KRT85: variants seen among roughly 807,000 people sequenced by gnomAD.
KRT85 encodes keratin, type II cuticular Hb5.
A neutral mutation model predicts 53.7 loss-of-function variants in KRT85; 39 were observed. The ratio of observed to expected loss-of-function variants is 0.73; its 90% CI spans 0.56 to 0.95. The LOEUF (loss-of-function observed/expected upper bound fraction) is 0.95, where lower values mean the gene tolerates loss of function less well. Among genes scored for constraint, KRT85 ranks in the 40% least tolerant of loss-of-function variants. KRT85 has a pLI of 0.00. For missense variants in KRT85, 668 were observed against 686.0 expected, an observed-to-expected ratio of 0.97 and a Z score of 0.29; for synonymous variants, 291 against 277.5, an observed-to-expected ratio of 1.05 and a Z score of -0.48.
chr12:52,360,664 G>A lies in KRT85; in HGVS notation c.*189C>T, dbSNP rs1939175185. 1.6e-6 allele frequency: 1 copy of A among 641,400 alleles called. No individual in the cohort carries two copies. Among genetic ancestry groups the A allele is most frequent in the Non-Finnish European group, 2.7e-6 (1 of 364,084 alleles). 39.7% of individuals were successfully genotyped at this position (641,400 alleles called of 1,614,324 possible). ...AAAACAGCTGCCAGGAGGACAACTA[G>A]GATGCATCTCCCTAGCATGAAAAGG... is the stretch of plus-strand genomic sequence containing the variant. On this transcript the variant is annotated 3_prime_UTR_variant, in exon 9 of 9. Coordinates refer to ENST00000257901, the MANE Select transcript of KRT85 (RefSeq NM_002283.4).
chr12:52,362,804 G>C (rs752367778), intron 6 of KRT85, 50 bp downstream of exon 6: 1 of 1,614,012 alleles, frequency 6.2e-7, no homozygotes, highest in South Asian at 1.1e-5. Flanking sequence ...ATTAGGGCCA[G>C]GTGCTGCAGC....
intron 8 of KRT85, 150 bp from the exon 9 acceptor site, chr12:52,361,196 CT>C: frequency 1.2e-6 from 1 of 821,248 alleles, no homozygotes; most frequent in South Asian, 1.5e-5. Flanking sequence ...CACAGCCCAT[CT>C]AGGGAACTGG....
At chr12:52,365,271 C>A (rs1340812491) in intron 1 of KRT85, 101 bp from the exon 2 acceptor site, 3 of 1,283,794 alleles carry the variant, frequency 2.3e-6, no homozygotes, top group Non-Finnish European at 3.3e-6. Flanking sequence ...ATGGGCTGAG[C>A]CATAAAGCTG....
chr12:52,360,866 A>T lies in KRT85; in HGVS notation c.1511T>A (p.Val504Asp). Residue 504 changes from valine (V) to aspartate (D), a missense_variant, in exon 9 of 9, where the codon GTC becomes GAC. This residue lies in a region of KRT85 where 488 missense variants were observed against 498.1 expected (regional missense o/e 0.98). Transcript: ENST00000257901. ...TCCATGACTCTACTAGGCAAAGCGG[A>T]CCGACCGGCTACTCCCGCAGCTGAA... ...SSFSCGSSRS[V>D]RFA 1 of 1,612,252 alleles carries T rather than the reference A, an allele frequency of 6.2e-7. No individual in the cohort carries two copies. Among genetic ancestry groups the T allele is most frequent in the Non-Finnish European group, 8.5e-7 (1 of 1,180,018 alleles).
Position 52,367,410 on chromosome 12 carries a change from T to C in KRT85, c.-5A>G, listed in dbSNP as rs747382781. 6.2e-7 allele frequency: 1 copy of C among 1,613,944 alleles called. No individual in the cohort carries two copies. The highest frequency in any genetic ancestry group is 1.1e-5 in the South Asian group (1 of 91,062). On this transcript the variant is annotated 5_prime_UTR_variant, in exon 1 of 9. Coordinates refer to ENST00000257901, the MANE Select transcript of KRT85 (RefSeq NM_002283.4). ...CCTGTAGGAGCGGCACGACATCGTG[T>C]GAGGCTGAGCAGAGTCTGAGAGGCA...
Position 52,364,469 on chromosome 12 carries a change from C to T in KRT85, c.630-103G>A, listed in dbSNP as rs781268779. 26 of 1,600,174 alleles carry T rather than the reference C, an allele frequency of 1.6e-5. No homozygotes were observed. In the Admixed American group the frequency reaches 4.5e-4, roughly 28 times the overall value. Reference sequence around the variant, plus strand: ...CGGGGATTGAAAAGGGATTAATCCCCTCCAGATGTTGTCTTGGCCCCTCCA... The same window carrying T: ...CGGGGATTGAAAAGGGATTAATCCCTTCCAGATGTTGTCTTGGCCCCTCCA... On this transcript the variant is annotated intron_variant, in intron 2 of 8. Coordinates refer to ENST00000257901, the MANE Select transcript of KRT85 (RefSeq NM_002283.4).
Position 52,360,457 on chromosome 12 carries a change from C to T in KRT85, c.*396G>A, listed in dbSNP as rs975785036. Reference sequence around the variant, plus strand: ...GGGGAGGGACTTTCTCCCTGATTCTCGGGTTGTGGGTGGCCTGGCTGGATG... The same window carrying T: ...GGGGAGGGACTTTCTCCCTGATTCTTGGGTTGTGGGTGGCCTGGCTGGATG... On this transcript the variant is annotated 3_prime_UTR_variant, in exon 9 of 9. Coordinates refer to ENST00000257901, the MANE Select transcript of KRT85 (RefSeq NM_002283.4). 4 of 256,492 alleles carry T rather than the reference C, an allele frequency of 1.6e-5. No homozygotes were observed. The highest frequency in any genetic ancestry group is 1.5e-4 in the Admixed American group (3 of 19,690). The allele number at this position is 256,492 out of a possible 1,614,324, so 15.9% of individuals were successfully genotyped here.
intron 4 of KRT85, 78 bp from the exon 5 acceptor site, chr12:52,363,488 A>C: frequency 6.6e-7 from 1 of 1,512,460 alleles, no homozygotes; most frequent in Non-Finnish European, 9.2e-7. Flanking sequence ...GACAATGTCC[A>C]CTTCCCAGAC....
intron 8 of KRT85, 78 bp downstream of exon 8, chr12:52,361,389 T>G: frequency 7.5e-7 from 1 of 1,329,132 alleles, no homozygotes; most frequent in South Asian, 1.2e-5. Flanking sequence ...CACTCGAGGC[T>G]CCATGGGTTA....
chr12:52,363,258 C>T lies in KRT85; in HGVS notation c.939G>A (p.Trp313Ter). 6.2e-7 allele frequency: 1 copy of T among 1,614,204 alleles called. No individual in the cohort carries two copies. The highest frequency in any genetic ancestry group is 8.5e-7 in the Non-Finnish European group (1 of 1,180,028). The change falls in exon 5 of 9, where the codon TGG (tryptophan) becomes TGA (stop). Residue 313 changes from tryptophan to a stop codon, truncating the protein, a stop_gained. Coordinates refer to ENST00000257901, the MANE Select transcript of KRT85 (RefSeq NM_002283.4). LOFTEE classifies it high-confidence loss of function. ...ASRSRAEAES[W>*]YRSKCEEMKA... Reference sequence around the variant, plus strand: ...CTGTGCCACTCACCTTGCTACGGTACCAGGACTCAGCCTCGGCCCGGCTGC... The same window carrying T: ...CTGTGCCACTCACCTTGCTACGGTATCAGGACTCAGCCTCGGCCCGGCTGC...
At position 52,362,858 on chromosome 12, in the gene KRT85, C is replaced by T. The variant is rs1206757106; in HGVS notation, c.1073G>A (p.Cys358Tyr). Residue 358 changes from cysteine to tyrosine, a missense_variant, in exon 6 of 9, where the codon TGC becomes TAC. By Grantham distance (194) the Cys-to-Tyr change is radical. This residue lies in a region of KRT85 where 488 missense variants were observed against 498.1 expected (regional missense o/e 0.98). Coordinates refer to ENST00000257901, the MANE Select transcript of KRT85 (RefSeq NM_002283.4). ...RLTAEIENAK[C>Y]QRAKLEAAVA... is the part of the protein sequence containing the mutation. ...TGAATCCTCCACAGACCCCACCTGG[C>T]ACTTGGCATTCTCAATCTCGGCCGT... 6.2e-7 allele frequency: 1 copy of T among 1,614,090 alleles called. No individual in the cohort carries two copies. The highest frequency in any genetic ancestry group is 8.5e-7 in the Non-Finnish European group (1 of 1,180,060).
At chr12:52,363,041 A>G in intron 5 of KRT85, 62 bp from the exon 6 acceptor site, 7 of 1,612,976 alleles carry the variant, frequency 4.3e-6, no homozygotes, top group South Asian at 2.2e-5. Flanking sequence ...TCAGGACACC[A>G]CAGATGACTA....
In KRT85 at chr12:52,361,405, A is replaced by G. The variant is rs2298797; in HGVS notation, c.1330+62T>C. The G allele has an allele frequency of 0.17, 257,716 of 1,494,054 alleles. 23,364 individuals carry two copies. Among genetic ancestry groups the G allele is most frequent in the Admixed American group, 0.29 (17,188 of 59,858 alleles). 92.5% of individuals were successfully genotyped at this position (1,494,054 alleles called of 1,614,324 possible). ...ACTCGAGGCTCCATGGGTTAGGCCA[A>G]TGAGTTCAGCTTTTCTATCAAAAAA... On this transcript the variant is annotated intron_variant, in intron 8 of 8. Coordinates refer to ENST00000257901, the MANE Select transcript of KRT85 (RefSeq NM_002283.4).
In KRT85 at chr12:52,361,019, G is replaced by A. The variant is rs1183442556; in HGVS notation, c.1358C>T (p.Ser453Phe). 1 of 1,613,488 alleles carries A rather than the reference G, an allele frequency of 6.2e-7. No homozygotes were observed. The highest frequency in any genetic ancestry group is 8.5e-7 in the Non-Finnish European group (1 of 1,179,732). Residue 453 changes from serine to phenylalanine, a missense_variant, in exon 9 of 9, where the codon TCC (serine) becomes TTC (phenylalanine). This residue lies in a region of KRT85 where 488 missense variants were observed against 498.1 expected (regional missense o/e 0.98). Transcript: ENST00000257901. ...GGTGCTGTAGGAGAGGCCCCCACAG[G>A]AGACTCCACCACGGGAGCTGCTGAC... ...VCVSSSRGGV[S>F]CGGLSYSTTP...
At position 52,362,247 on chromosome 12, in the gene KRT85, C is replaced by T; in HGVS notation, c.1298+4G>A. 2 of 1,614,038 alleles carry T rather than the reference C, an allele frequency of 1.2e-6. No homozygotes were observed. Among genetic ancestry groups the T allele is most frequent in the Non-Finnish European group, 1.7e-6 (2 of 1,179,904 alleles). On this transcript the variant is annotated splice_donor_region_variant and intron_variant, in intron 7 of 8. Coordinates refer to ENST00000257901, the MANE Select transcript of KRT85 (RefSeq NM_002283.4). ...GAAACCCCACAAAGTCCTCTTAGCC[C>T]CACCTGTGTTCCTCGCCCTCCAGCA...
At position 52,364,293 on chromosome 12, in the gene KRT85, A is replaced by C; in HGVS notation, c.690+13T>G. On this transcript the variant is annotated intron_variant, in intron 3 of 8. Coordinates refer to ENST00000257901, the MANE Select transcript of KRT85 (RefSeq NM_002283.4). ...TGGGCCCCCTCCTCCTTGCCCCATG[A>C]CCAGCCCCTCACCTTCTTTAGAACG... 6.2e-7 allele frequency: 1 copy of C among 1,614,110 alleles called. No homozygotes were observed. Among genetic ancestry groups the C allele is most frequent in the Non-Finnish European group, 8.5e-7 (1 of 1,179,986 alleles).
chr12:52,367,188 G>T lies in KRT85; in HGVS notation c.218C>A (p.Ala73Asp), dbSNP rs775775634. 2.5e-6 allele frequency: 4 copies of T among 1,613,682 alleles called. No homozygotes were observed. Among genetic ancestry groups the T allele is most frequent in the African/African-American group, 1.3e-5 (1 of 74,918 alleles). ...GCCGAAGCTGCGTCCGCAGGAGCCGGCTCGGAAGCCACCTACAGCTATCCG... is the reference window on the plus strand; with the variant it reads ...GCCGAAGCTGCGTCCGCAGGAGCCGTCTCGGAAGCCACCTACAGCTATCCG... ...GPRIAVGGFR[A>D]GSCGRSFGYR... Residue 73 changes from alanine (A) to aspartate (D), a missense_variant, in exon 1 of 9, where the codon GCC becomes GAC. Transcript: ENST00000257901.
At chr12:52,365,326 C>T (rs1939257269) in intron 1 of KRT85, among the ~76,000 whole-genome samples, 156 bp from the exon 2 acceptor site, 1 of 152,166 alleles carries the variant, frequency 6.6e-6, no homozygotes, top group East Asian at 1.9e-4. Context: ...CCCAGGGAGG[C>T]AGTTGTGGGT....
chr12:52,361,464 C>T lies in KRT85; in HGVS notation c.1330+3G>A, dbSNP rs745481063. ...TCCAGGAGAATTTCAGGCAGATACT[C>T]ACAGACATTCACAGAGCCCACACCT... is the stretch of plus-strand genomic sequence containing the variant. On this transcript the variant is annotated splice_donor_region_variant and intron_variant, in intron 8 of 8. Coordinates refer to ENST00000257901, the MANE Select transcript of KRT85 (RefSeq NM_002283.4). The T allele has an allele frequency of 3.1e-6, 5 of 1,613,872 alleles. No homozygotes were observed. Among genetic ancestry groups the T allele is most frequent in the Admixed American group, 3.3e-5 (2 of 60,030 alleles).
Sources: allele counts gnomAD v4.1 joint callset (sites outside exome capture counted in the v4.1 genomes callset), GRCh38; gene constraint gnomAD v4.1.1; regional missense constraint gnomAD v4.1.1; transcripts MANE v1.5; gene names NCBI Gene and HGNC (gene_info 2026-07-23, HGNC 2026-07-21).